COL28A1: variants seen among roughly 807,000 people sequenced by gnomAD.
COL28A1 encodes the protein collagen type XXVIII alpha 1 chain.
A neutral mutation model predicts 150.2 loss-of-function variants in COL28A1; 161 were observed. The observed-to-expected ratio is 1.07, with a 90% CI of 0.94 to 1.22. COL28A1 has a LOEUF of 1.22. Among genes scored for constraint, COL28A1 ranks in the 50% most tolerant of loss-of-function variants. COL28A1 has a pLI of 0.00. For synonymous variants in COL28A1, 552 were observed against 469.7 expected, an observed-to-expected ratio of 1.18 and a Z score of -2.26; for missense variants, 1,617 against 1,388.3, an observed-to-expected ratio of 1.16 and a Z score of -2.62.
rs1209395242 is a variant in COL28A1 at position 7,491,204 on chromosome 7, A to T, written c.1027-558T>A. ...TGTTCTTTGCCCTCAGAGGTGTAGG[A>T]TGAATGATCATTGGCCTAATGCAAG... On this transcript the variant is annotated intron_variant, in intron 11 of 34. Transcript: ENST00000399429. 2.6e-5 allele frequency among the ~76,000 whole-genome samples: 4 copies of T among 152,180 alleles called. No individual in the cohort carries two copies. The East Asian group carries it at 5.8e-4, about 22-fold the overall frequency.
chr7:7,441,302 G>A (rs1433424384), intron 20 of COL28A1, among the ~76,000 whole-genome samples: 2 of 151,960 alleles, frequency 1.3e-5, no homozygotes, highest in Admixed American at 1.3e-4. Flanking sequence ...TCCTCACTGG[G>A]GAGTCTAATT....
At chr7:7,378,264 T>C (rs925742112) in intron 30 of COL28A1, among the ~76,000 whole-genome samples, 1 of 152,180 alleles carries the variant, frequency 6.6e-6, no homozygotes, top group Admixed American at 6.5e-5. Context: ...TTCCCCACAT[T>C]TGATAAACAC....
At chr7:7,473,510 G>A (rs965090395) in intron 15 of COL28A1, among the ~76,000 whole-genome samples, 1 of 152,112 alleles carries the variant, frequency 6.6e-6, no homozygotes, top group African/African-American at 2.4e-5. Context: ...CTGCAAGAAT[G>A]GCCATAATCA....
intron 14 of COL28A1, among the ~76,000 whole-genome samples, chr7:7,475,160 T>A (rs915646777): frequency 9.2e-5 from 14 of 152,220 alleles, no homozygotes; most frequent in Admixed American, 7.9e-4. Context: ...AAAGAATTCA[T>A]GGAAAATCTT....
intron 15 of COL28A1, 81 bp from the exon 16 acceptor site, chr7:7,456,193 G>C (rs1044262214): frequency 6.6e-7 from 1 of 1,505,748 alleles, no homozygotes; most frequent in Non-Finnish European, 8.9e-7. Flanking sequence ...GAATTGGGCT[G>C]TGTTAAAATC....
At chr7:7,456,360 C>T (rs780853794) in intron 15 of COL28A1, among the ~76,000 whole-genome samples, 3 of 152,108 alleles carry the variant, frequency 2.0e-5, no homozygotes, top group Non-Finnish European at 4.4e-5. Flanking sequence ...ATTTATCAAT[C>T]ATTTTCTCAC....
At chr7:7,408,445 T>C (rs1411394929) in intron 27 of COL28A1, among the ~76,000 whole-genome samples, 1 of 152,150 alleles carries the variant, frequency 6.6e-6, no homozygotes, top group Non-Finnish European at 1.5e-5. Flanking sequence ...AACCAACAAT[T>C]GTAAAGTTCT....
At chr7:7,369,170 G>A (rs1354585318) in intron 33 of COL28A1, among the ~76,000 whole-genome samples, 2 of 152,188 alleles carry the variant, frequency 1.3e-5, no homozygotes, top group Non-Finnish European at 2.9e-5. Context: ...GATTGACTAG[G>A]AGAGGGACAA....
chr7:7,364,742 A>G (rs574540611), intron 33 of COL28A1, among the ~76,000 whole-genome samples: 2 of 152,268 alleles, frequency 1.3e-5, no homozygotes, highest in Non-Finnish European at 2.9e-5. Flanking sequence ...CCTCCCCTCC[A>G]CTATCTTGTA....
At chr7:7,377,583 G>A (rs558261785) in intron 30 of COL28A1, among the ~76,000 whole-genome samples, 3 of 152,238 alleles carry the variant, frequency 2.0e-5, no homozygotes, top group South Asian at 2.1e-4. Flanking sequence ...TACAGTACTC[G>A]AGTAAACTTA....
intron 25 of COL28A1, among the ~76,000 whole-genome samples, chr7:7,421,999 T>C (rs1340991998): frequency 3.3e-5 from 5 of 152,254 alleles, no homozygotes; most frequent in South Asian, 2.1e-4. Flanking sequence ...CTGTAGTACA[T>C]ACATTTCCAT....
At chr7:7,530,963 G>T (rs969000728) in intron 3 of COL28A1, among the ~76,000 whole-genome samples, 1 of 152,172 alleles carries the variant, frequency 6.6e-6, no homozygotes, top group African/African-American at 2.4e-5. Context: ...TGTGGAATGG[G>T]AAAAGACCAA....
chr7:7,364,009 T>C (rs1170736158), intron 33 of COL28A1, among the ~76,000 whole-genome samples: 2 of 152,104 alleles, frequency 1.3e-5, no homozygotes, highest in Non-Finnish European at 2.9e-5. Context: ...GACCTTTCAT[T>C]CCTTCTTCCT....
chr7:7,369,077 A>G (rs1243685621), intron 33 of COL28A1, among the ~76,000 whole-genome samples: 6 of 152,330 alleles, frequency 3.9e-5, no homozygotes, highest in East Asian at 3.9e-4. Context: ...TTCAGTGATT[A>G]TAAGGAGGGC....
At chr7:7,534,769 T>C (rs1357099251) in intron 1 of COL28A1, among the ~76,000 whole-genome samples, 4 of 152,210 alleles carry the variant, frequency 2.6e-5, no homozygotes. Context: ...GTATATATGA[T>C]ATTCACAAAC....
chr7:7,531,225 C>T (rs370961940), intron 3 of COL28A1, 123 bp downstream of exon 3: 12 of 480,994 alleles, frequency 2.5e-5, no homozygotes, highest in African/African-American at 2.0e-4. Flanking sequence ...ATTCTTCTTT[C>T]TGTTTTCAGT....
intron 15 of COL28A1, among the ~76,000 whole-genome samples, chr7:7,463,512 A>G (rs1787809475): frequency 6.6e-6 from 1 of 152,156 alleles, no homozygotes; most frequent in African/African-American, 2.4e-5. Context: ...TTGGGGTCCT[A>G]TCATCAGCCT....
chr7:7,376,671 G>A (rs1375551120), intron 30 of COL28A1, among the ~76,000 whole-genome samples: 1 of 151,880 alleles, frequency 6.6e-6, no homozygotes, highest in African/African-American at 2.4e-5. Flanking sequence ...AGTATATCTA[G>A]AAAGGGGAAA....
chr7:7,458,340 G>C (rs552961052), intron 15 of COL28A1, among the ~76,000 whole-genome samples: 16 of 151,866 alleles, frequency 1.1e-4, no homozygotes, highest in African/African-American at 3.4e-4. Flanking sequence ...CATTTGAACC[G>C]GGGAGGTGAA....
Sources: allele counts gnomAD v4.1 joint callset (sites outside exome capture counted in the v4.1 genomes callset), GRCh38; gene constraint gnomAD v4.1.1; transcripts MANE v1.5; gene names NCBI Gene and HGNC (gene_info 2026-07-23, HGNC 2026-07-21).